EFTUD2: variants seen among roughly 807,000 people sequenced by gnomAD.
The protein encoded by EFTUD2 is elongation factor Tu GTP binding domain containing 2.
EFTUD2 carries 9 observed loss-of-function variants against 114.3 expected under a neutral mutation model. The observed-to-expected ratio is 0.08, with a 90% CI of 0.05 to 0.14. EFTUD2 has a LOEUF of 0.14. Ranked by LOEUF, EFTUD2 falls within the 10% of genes least tolerant of loss-of-function variation. The pLI, the probability that EFTUD2 is intolerant of heterozygous loss-of-function variation, is 1.00. For missense variants in EFTUD2, 765 were observed against 1,241.2 expected (o/e 0.62, Z 5.76); for synonymous variants, 449 against 462.3 (o/e 0.97, Z 0.37).
Position 44,854,090 on chromosome 17 carries a change from A to G in EFTUD2, c.2347+179T>C. 1 of 1,424,160 alleles carries G rather than the reference A, an allele frequency of 7.0e-7. No homozygotes were observed. The highest frequency in any genetic ancestry group is 1.6e-5 in the South Asian group (1 of 61,566). The allele number at this position is 1,424,160 out of a possible 1,614,324, so 88.2% of individuals were successfully genotyped here. A position where few individuals can be genotyped will look rare whatever the true frequency, so the allele number is the denominator to read the frequency against. ...AGAAATGACTTAAATTTCCATTTCC[A>G]GGCTACACCACCAGGATAAGGAAGG... On this transcript the variant is annotated intron_variant, in intron 23 of 27. Coordinates refer to ENST00000426333, the MANE Select transcript of EFTUD2 (RefSeq NM_004247.4). The surrounding 1 kb of genome is among the most constrained non-coding windows in gnomAD (Gnocchi z 4.3).
intron 19 of EFTUD2, 137 bp downstream of exon 19, chr17:44,858,943 A>T (rs1425905558): frequency 1.5e-6 from 1 of 668,460 alleles, no homozygotes; most frequent in Non-Finnish European, 2.7e-6. Flanking sequence ...AAACCTTCCC[A>T]TATAAGGAGC....
Position 44,851,263 on chromosome 17 carries a change from A to G in EFTUD2, c.*11T>C. On this transcript the variant is annotated 3_prime_UTR_variant, in exon 28 of 28. Transcript: ENST00000426333. ...ACTGTAGGGAGCAGGAGCTCCCAGG[A>G]GTCCACGCACTCACATGGGGTAATT... The G allele has an allele frequency of 6.2e-7, 1 of 1,611,462 alleles. No individual in the cohort carries two copies.
intron 19 of EFTUD2, chr17:44,857,551 T>C: frequency 4.1e-6 from 1 of 242,252 alleles, no homozygotes; most frequent in African/African-American, 2.2e-5. Context: ...CCACAGCATC[T>C]GAGTGAAGCT....
intron 9 of EFTUD2, among the ~76,000 whole-genome samples, chr17:44,878,286 C>A (rs1279317169): frequency 6.6e-6 from 1 of 152,138 alleles, no homozygotes; most frequent in Non-Finnish European, 1.5e-5. Context: ...ATAACCAGAG[C>A]TTAATCACGA....
In EFTUD2 at chr17:44,860,595, ATT is replaced by A. The variant is rs34404174; in HGVS notation, c.1608-54_1608-53del. The A allele has an allele frequency of 0.056, 35,997 of 647,176 alleles. No individual in the cohort carries two copies. The highest frequency in any genetic ancestry group is 0.073 in the South Asian group (3,541 of 48,780). 40.1% of individuals were successfully genotyped at this position (647,176 alleles called of 1,614,324 possible). A position where few individuals can be genotyped will look rare whatever the true frequency, so the allele number is the denominator to read the frequency against. ...TGAAACTTAGGCAGAGCATTCCCTA[ATT>A]TTTTTTTTTTTTTTTTTTTTGAGAC... On this transcript the variant is annotated intron_variant, in intron 16 of 27. Coordinates refer to ENST00000426333, the MANE Select transcript of EFTUD2 (RefSeq NM_004247.4).
rs149836015 is a variant in EFTUD2 at position 44,887,858 on chromosome 17, T to C, written c.106-1108A>G. On this transcript the variant is annotated intron_variant, in intron 2 of 27. Transcript: ENST00000426333. ...CTCCTTACAAATTAACCCATAGTCA[T>C]ATGCAACATTAACGAAGCCATTCTC... is the stretch of plus-strand genomic sequence containing the variant. Among the ~76,000 whole-genome samples, 38 of 152,354 alleles carry C rather than the reference T, an allele frequency of 2.5e-4. No individual in the cohort carries two copies. The East Asian group carries it at 3.9e-3, about 15-fold the overall frequency.
rs777823115 is a variant in EFTUD2 at position 44,851,373 on chromosome 17, C to A, written c.2824-4G>T. 1 of 1,611,982 alleles carries A rather than the reference C, an allele frequency of 6.2e-7. No individual in the cohort carries two copies. The highest frequency in any genetic ancestry group is 8.5e-7 in the Non-Finnish European group (1 of 1,178,554). The stretch of plus-strand genomic sequence containing the variant: ...TGCTCACATCTTCACTGAGGCCCTG[C>A]AGGGAATGGGGCAAATATAAGAAAG... On this transcript the variant is annotated splice_polypyrimidine_tract_variant and splice_region_variant and intron_variant, in intron 27 of 27. Coordinates refer to ENST00000426333, the MANE Select transcript of EFTUD2 (RefSeq NM_004247.4).
At chr17:44,865,800 T>C (rs1301640311) in intron 13 of EFTUD2, among the ~76,000 whole-genome samples, 1 of 152,162 alleles carries the variant, frequency 6.6e-6, no homozygotes, top group Non-Finnish European at 1.5e-5. Flanking sequence ...TACAAATTCA[T>C]ATAAACGTCA....
At chr17:44,897,920 A>G (rs1025602349) in intron 1 of EFTUD2, among the ~76,000 whole-genome samples, 1 of 152,192 alleles carries the variant, frequency 6.6e-6, no homozygotes, top group Non-Finnish European at 1.5e-5. Flanking sequence ...CACAGCCAAT[A>G]GCCAAGACAG....
chr17:44,851,345 T>G lies in EFTUD2; in HGVS notation c.2848A>C (p.Ser950Arg), dbSNP rs2050443668. 1 of 1,613,950 alleles carries G rather than the reference T, an allele frequency of 6.2e-7. No homozygotes were observed. The highest frequency in any genetic ancestry group is 1.7e-5 in the Admixed American group (1 of 60,006). Residue 950 changes from serine (S) to arginine (R), a missense_variant, in exon 28 of 28, where the codon AGC becomes CGC. By Grantham distance (110) the Ser-to-Arg change is moderately radical. This residue lies in a region of EFTUD2 where 166 missense variants were observed against 401.5 expected (regional missense o/e 0.41). Transcript: ENST00000426333. ...AACATAGGATCATCGAAGAATTTGC[T>G]GATGCTCACATCTTCACTGAGGCCC... ...RKGLSEDVSISKFFDDPMLLE... is the reference protein window; with the variant it reads ...RKGLSEDVSIRKFFDDPMLLE...
At chr17:44,863,862 G>C in intron 14 of EFTUD2, 80 bp from the exon 15 acceptor site, 9 of 1,562,296 alleles carry the variant, frequency 5.8e-6, no homozygotes, top group Non-Finnish European at 7.8e-6. Flanking sequence ...ATTCACAATG[G>C]TCAAAAAGCT....
At chr17:44,883,898 A>G (rs2051118185) in intron 4 of EFTUD2, 174 bp from the exon 5 acceptor site, 1 of 620,436 alleles carries the variant, frequency 1.6e-6, no homozygotes, top group South Asian at 1.9e-5. Context: ...GGAATGCAAG[A>G]AACTTATCCA....
At chr17:44,860,367 G>T in intron 17 of EFTUD2, 65 bp downstream of exon 17, 2 of 1,124,274 alleles carry the variant, frequency 1.8e-6, no homozygotes, top group Non-Finnish European at 2.7e-6. Flanking sequence ...TCCCGTTTGT[G>T]CTCATGTGTG....
intron 3 of EFTUD2, among the ~76,000 whole-genome samples, chr17:44,885,999 G>A (rs1351849295): frequency 6.6e-6 from 1 of 152,146 alleles, no homozygotes; most frequent in Non-Finnish European, 1.5e-5. Flanking sequence ...CTCTTTGGGA[G>A]GACAGGGCAG....
intron 12 of EFTUD2, 81 bp from the exon 13 acceptor site, chr17:44,867,978 A>C (rs1354965597): frequency 7.5e-7 from 1 of 1,335,962 alleles, no homozygotes; most frequent in Non-Finnish European, 1.0e-6. Context: ...TAAGTGCTGA[A>C]TCTGAACAAC....
At chr17:44,895,860 G>A (rs917000019) in intron 1 of EFTUD2, 1 of 152,120 alleles carries the variant, frequency 6.6e-6, no homozygotes, top group Non-Finnish European at 1.5e-5. Context: ...TTTGCATTTG[G>A]TTGTCATGTC....
In EFTUD2 at chr17:44,890,549, G is replaced by A. The variant is rs371023556; in HGVS notation, c.106-3799C>T. Among the ~76,000 whole-genome samples, 33 of 151,760 alleles carry A rather than the reference G, an allele frequency of 2.2e-4. No individual in the cohort carries two copies. In the South Asian group the frequency reaches 2.5e-3, roughly 12 times the overall value. On this transcript the variant is annotated intron_variant, in intron 2 of 27. Transcript: ENST00000426333. ...CTCTACTAAAAATACAAAACTAGCCGGGCGTGGACGCACATGCCTGTAATC... is the reference window on the plus strand; with the variant it reads ...CTCTACTAAAAATACAAAACTAGCCAGGCGTGGACGCACATGCCTGTAATC...
At chr17:44,859,454 A>G in intron 18 of EFTUD2, 1 of 538,654 alleles carries the variant, frequency 1.9e-6, no homozygotes, top group African/African-American at 1.9e-5. Context: ...CCCTATACCC[A>G]TGGACATAAG....
At chr17:44,885,601 C>G (rs1001716394) in intron 3 of EFTUD2, among the ~76,000 whole-genome samples, 2 of 151,998 alleles carry the variant, frequency 1.3e-5, no homozygotes, top group Non-Finnish European at 2.9e-5. Flanking sequence ...AGGTTGAGGT[C>G]AATGTCAGTT....
Sources: allele counts gnomAD v4.1 joint callset (sites outside exome capture counted in the v4.1 genomes callset), GRCh38; gene constraint gnomAD v4.1.1; regional missense constraint gnomAD v4.1.1; non-coding constraint Gnocchi (gnomAD v3.1); transcripts MANE v1.5; gene names NCBI Gene and HGNC (gene_info 2026-07-23, HGNC 2026-07-21).